The following UST variants were observed in gnomAD, a reference collection of about 807,000 sequenced individuals.
The protein encoded by UST is chondroitin sulfate 2-O-sulfotransferase.
Under a neutral mutation model 45.6 loss-of-function variants are expected in UST, and 21 were observed. The ratio of observed to expected loss-of-function variants is 0.46; its 90% CI spans 0.33 to 0.66. The LOEUF (loss-of-function observed/expected upper bound fraction) is 0.66, where lower values mean the gene tolerates loss of function less well. Among genes scored for constraint, UST ranks in the 30% least tolerant of loss-of-function variants. The pLI, the probability that UST is intolerant of heterozygous loss-of-function variation, is 0.02. For synonymous variants in UST, 215 were observed against 200.6 expected (o/e 1.07, Z -0.61); for missense variants, 463 against 512.4 (o/e 0.90, Z 0.93).
chr6:149,021,492 T>C lies in UST; in HGVS notation c.937+11T>C. 1.2e-6 allele frequency: 2 copies of C among 1,613,816 alleles called. No individual in the cohort carries two copies. The highest frequency in any genetic ancestry group is 1.7e-6 in the Non-Finnish European group (2 of 1,179,866). On this transcript the variant is annotated intron_variant, in intron 7 of 7. Coordinates refer to ENST00000367463, the MANE Select transcript of UST (RefSeq NM_005715.3). ...TCTACAAAGACCCAGGTAACTTCAT[T>C]TGTAAGCAAGCTCTTCTCCATGAGA...
intron 5 of UST, among the ~76,000 whole-genome samples, chr6:149,003,098 C>T (rs1319114335): frequency 6.6e-6 from 1 of 152,136 alleles, no homozygotes; most frequent in Non-Finnish European, 1.5e-5. Flanking sequence ...TCATTTTGAA[C>T]TACCCTAAAT....
At chr6:148,935,324 C>T (rs1779998689) in intron 2 of UST, among the ~76,000 whole-genome samples, 1 of 152,158 alleles carries the variant, frequency 6.6e-6, no homozygotes, top group Admixed American at 6.5e-5. Flanking sequence ...ACATAACATT[C>T]ATATAACCGC....
intron 2 of UST, among the ~76,000 whole-genome samples, chr6:148,933,046 A>G (rs1373851664): frequency 2.0e-5 from 3 of 152,216 alleles, no homozygotes. Context: ...ACTTAGAGTG[A>G]TAAAGCCAAG....
intron 7 of UST, among the ~76,000 whole-genome samples, chr6:149,045,603 G>A (rs114781579): frequency 0.016 from 2,370 of 152,190 alleles, 65 homozygotes; most frequent in African/African-American, 0.054. Context: ...CCACCACAGG[G>A]AGGTGACTGG....
At chr6:149,037,515 G>T (rs1373604054) in intron 7 of UST, among the ~76,000 whole-genome samples, 2 of 152,228 alleles carry the variant, frequency 1.3e-5, no homozygotes. Flanking sequence ...CTGGAATGAG[G>T]CTGGAGGCTG....
chr6:148,875,081 G>T (rs886441724), intron 1 of UST, among the ~76,000 whole-genome samples: 5 of 152,226 alleles, frequency 3.3e-5, no homozygotes, highest in Non-Finnish European at 7.3e-5. Flanking sequence ...GATTTGAAAA[G>T]GACCTGTGGA....
At chr6:149,070,177 T>C (rs1182790241) in intron 7 of UST, among the ~76,000 whole-genome samples, 1 of 152,224 alleles carries the variant, frequency 6.6e-6, no homozygotes, top group Admixed American at 6.5e-5. Context: ...AGGAAGGGAT[T>C]GAAGGAGGCT....
Position 148,895,184 on chromosome 6 carries a change from C to T in UST, c.291+8155C>T, listed in dbSNP as rs530497877. 6.6e-5 allele frequency among the ~76,000 whole-genome samples: 10 copies of T among 152,192 alleles called. No homozygotes were observed. The South Asian group carries it at 1.7e-3, about 25-fold the overall frequency. On this transcript the variant is annotated intron_variant, in intron 2 of 7. Coordinates refer to ENST00000367463, the MANE Select transcript of UST (RefSeq NM_005715.3). The stretch of plus-strand genomic sequence containing the variant: ...TCAGGTTTTCCCCCCAACCTTCTTT[C>T]TTCACTTTTCCTCATCATTCTCATG...
intron 1 of UST, among the ~76,000 whole-genome samples, chr6:148,845,345 A>G (rs1293003928): frequency 2.0e-5 from 3 of 152,156 alleles, no homozygotes; most frequent in Non-Finnish European, 4.4e-5. Flanking sequence ...TAGAGTATGT[A>G]TTCTTTTTTC....
intron 1 of UST, among the ~76,000 whole-genome samples, chr6:148,792,823 T>A (rs1484909186): frequency 1.3e-5 from 2 of 152,238 alleles, no homozygotes; most frequent in Non-Finnish European, 2.9e-5. Context: ...GATAGGAAAG[T>A]AAATTAGCAA....
At chr6:148,866,341 G>A (rs772784420) in intron 1 of UST, among the ~76,000 whole-genome samples, 2 of 152,116 alleles carry the variant, frequency 1.3e-5, no homozygotes, top group African/African-American at 2.4e-5. Flanking sequence ...CAGTAGTCGG[G>A]GGTAGATCTG....
intron 4 of UST, chr6:148,955,791 T>G (rs1780483003): frequency 6.6e-6 from 1 of 152,244 alleles, no homozygotes. Flanking sequence ...ACTTCTTGCT[T>G]CATAGGTCAA....
At chr6:148,990,441 G>A (rs1781326726) in intron 5 of UST, 1 of 984,448 alleles carries the variant, frequency 1.0e-6, no homozygotes, top group Non-Finnish European at 1.2e-6. Flanking sequence ...TAACTAGATG[G>A]TATTTTTCCA....
In UST at chr6:149,017,811, C is replaced by T. The variant is rs1016793443; in HGVS notation, c.682-1328C>T. On this transcript the variant is annotated intron_variant, in intron 5 of 7. Coordinates refer to ENST00000367463, the MANE Select transcript of UST (RefSeq NM_005715.3). ...GAATATCCATATATACACACACACA[C>T]ACACACACACACACACACACACACA... Among the ~76,000 whole-genome samples, 1,391 of 145,582 alleles carry T rather than the reference C, an allele frequency of 9.6e-3. 35 individuals are homozygous for T. Among genetic ancestry groups the T allele is most frequent in the African/African-American group, 0.037 (1,333 of 35,952 alleles).
At chr6:148,873,163 G>A (rs1445896528) in intron 1 of UST, among the ~76,000 whole-genome samples, 2 of 152,204 alleles carry the variant, frequency 1.3e-5, no homozygotes, top group Non-Finnish European at 2.9e-5. Flanking sequence ...TCTAATCCAA[G>A]ATCACTTTTT....
intron 2 of UST, among the ~76,000 whole-genome samples, chr6:148,887,568 C>T (rs1230659865): frequency 2.6e-5 from 4 of 152,202 alleles, no homozygotes; most frequent in African/African-American, 9.7e-5. Context: ...TATAGTTTCC[C>T]TAACACTGTT....
At chr6:149,072,958 CTG>C (rs1776840468) in intron 7 of UST, among the ~76,000 whole-genome samples, 3 of 152,082 alleles carry the variant, frequency 2.0e-5, no homozygotes, top group African/African-American at 7.2e-5. Context: ...TTGCACAACA[CTG>C]TAAATATAAT....
rs545008017 is a variant in UST, at chr6:148,832,226, G to A, written c.248-54760G>A. Among the ~76,000 whole-genome samples, 5 of 152,240 alleles carry A rather than the reference G, an allele frequency of 3.3e-5. No individual in the cohort carries two copies. The East Asian group carries it at 9.6e-4, about 29-fold the overall frequency. ...GGCTGGTCTTGAATTCCTGACCTCA[G>A]GTGATCCACCTGCCTCGGCCTCCCA... On this transcript the variant is annotated intron_variant, in intron 1 of 7. Coordinates refer to ENST00000367463, the MANE Select transcript of UST (RefSeq NM_005715.3).
At chr6:148,803,686 C>T (rs1777094637) in intron 1 of UST, among the ~76,000 whole-genome samples, 2 of 152,188 alleles carry the variant, frequency 1.3e-5, no homozygotes, top group African/African-American at 4.8e-5. Context: ...CCCCCAAACC[C>T]TCAGAGGTTT....
Sources: gnomAD v4.1 joint callset for allele counts (sites outside exome capture counted in the v4.1 genomes callset) on GRCh38, gnomAD v4.1.1 for gene constraint, MANE v1.5 for transcripts, NCBI Gene and HGNC (gene_info 2026-07-23, HGNC 2026-07-21) for gene names.